The following SLC25A37 variants were observed in gnomAD, a reference collection of about 807,000 sequenced individuals.
SLC25A37 encodes the protein mitoferrin-1.
Under a neutral mutation model 31.0 loss-of-function variants are expected in SLC25A37, and 17 were observed. The ratio of observed to expected loss-of-function variants is 0.55; its 90% CI spans 0.38 to 0.82. The LOEUF (loss-of-function observed/expected upper bound fraction) is 0.82, where lower values mean the gene tolerates loss of function less well. Ranked by LOEUF, SLC25A37 falls within the 40% of genes least tolerant of loss-of-function variation. The pLI is 0.00. For missense variants in SLC25A37, 404 were observed against 465.8 expected (o/e 0.87, Z 1.22); for synonymous variants, 222 against 193.0 (o/e 1.15, Z -1.24).
At chr8:23,545,420 C>G (rs1802008918) in intron 1 of SLC25A37, among the ~76,000 whole-genome samples, 1 of 152,212 alleles carries the variant, frequency 6.6e-6, no homozygotes, top group African/African-American at 2.4e-5. Flanking sequence ...TGGGGACTTT[C>G]CCACTGGAGT....
intron 1 of SLC25A37, among the ~76,000 whole-genome samples, chr8:23,559,937 G>C (rs944096918): frequency 6.6e-6 from 1 of 152,134 alleles, no homozygotes; most frequent in Admixed American, 6.5e-5. Flanking sequence ...CTCACTCCCA[G>C]ATGTTTTTTC....
intron 2 of SLC25A37, chr8:23,566,837 A>G (rs1049773552): frequency 1.0e-6 from 1 of 985,970 alleles, no homozygotes; most frequent in Non-Finnish European, 1.2e-6. Context: ...ATGGCTGACA[A>G]AGGACTCGCG....
chr8:23,530,126 T>G (rs1801634543), intron 1 of SLC25A37, among the ~76,000 whole-genome samples: 1 of 152,174 alleles, frequency 6.6e-6, no homozygotes, highest in Non-Finnish European at 1.5e-5. Flanking sequence ...ATGCCAGTAT[T>G]GACTGTTACA....
chr8:23,552,865 A>T (rs1258676548), intron 1 of SLC25A37, among the ~76,000 whole-genome samples: 1 of 152,182 alleles, frequency 6.6e-6, no homozygotes, highest in African/African-American at 2.4e-5. Context: ...TTGGAGGGGT[A>T]GGGGAACTGA....
At chr8:23,546,006 A>G (rs777966784) in intron 1 of SLC25A37, among the ~76,000 whole-genome samples, 1 of 152,070 alleles carries the variant, frequency 6.6e-6, no homozygotes, top group African/African-American at 2.4e-5. Flanking sequence ...GTGGTAGCAG[A>G]TGCCTATAAT....
At chr8:23,552,952 G>A (rs540135123) in intron 1 of SLC25A37, among the ~76,000 whole-genome samples, 36 of 152,276 alleles carry the variant, frequency 2.4e-4, no homozygotes, top group African/African-American at 7.0e-4. Context: ...AGCGTGGAGC[G>A]GGGCGGGAGC....
rs1201095922 is a variant in SLC25A37, at chr8:23,562,022, C to G, written c.211-4086C>G. 3.3e-5 allele frequency among the ~76,000 whole-genome samples: 5 copies of G among 152,356 alleles called. No homozygotes were observed. The East Asian group carries it at 7.7e-4, about 24-fold the overall frequency. The stretch of plus-strand genomic sequence containing the variant: ...CAGTTCTCCATGCTCTGTGTTTGTT[C>G]AGACTGCCAGCCCTGCTCAATGGGG... On this transcript the variant is annotated intron_variant, in intron 1 of 3. Transcript: ENST00000519973.
chr8:23,564,555 A>G (rs1245149813), intron 1 of SLC25A37, among the ~76,000 whole-genome samples: 1 of 151,700 alleles, frequency 6.6e-6, no homozygotes, highest in Non-Finnish European at 1.5e-5. Context: ...GAAGGGAGGA[A>G]GAAGGAAGGA....
At chr8:23,532,953 G>A (rs1801690892) in intron 1 of SLC25A37, among the ~76,000 whole-genome samples, 1 of 152,202 alleles carries the variant, frequency 6.6e-6, no homozygotes, top group Non-Finnish European at 1.5e-5. Context: ...GCTTCAGAAG[G>A]GCGTGAAATC....
At position 23,529,207 on chromosome 8, in the gene SLC25A37, G is replaced by A. The variant is rs778619732; in HGVS notation, c.205G>A (p.Val69Met). The A allele has an allele frequency of 6.2e-7, 1 of 1,606,970 alleles. No individual in the cohort carries two copies. Among genetic ancestry groups the A allele is most frequent in the Admixed American group, 1.7e-5 (1 of 59,450 alleles). The change falls in exon 1 of 4, where the codon GTG becomes ATG. Residue 69 changes from valine (V) to methionine (M), a missense_variant. Physicochemically the swap from Val to Met is conservative, Grantham distance 21. Around this residue, in one of 3 missense-constraint regions of SLC25A37, gnomAD observed 154 missense variants for 153.6 expected, o/e 1.00. Transcript: ENST00000519973. This position sits in a 1 kb window ranked among gnomAD's most constrained non-coding sequence, Gnocchi z 4.1. ...CTCGGTCATGTACCCGGTGGACTCGGTGAAGGTGAGGCGCGGGGAGACTTC... is the reference window on the plus strand; with the variant it reads ...CTCGGTCATGTACCCGGTGGACTCGATGAAGGTGAGGCGCGGGGAGACTTC... ...EHSVMYPVDSVKTRMQSLSPD... is the reference protein window; with the variant it reads ...EHSVMYPVDSMKTRMQSLSPD...
intron 1 of SLC25A37, among the ~76,000 whole-genome samples, chr8:23,534,747 G>A (rs1031460830): frequency 6.6e-6 from 1 of 152,162 alleles, no homozygotes; most frequent in East Asian, 1.9e-4. Context: ...AGATGGTACC[G>A]ATCTCCCAGG....
At chr8:23,555,737 C>T (rs980153901) in intron 1 of SLC25A37, among the ~76,000 whole-genome samples, 1 of 152,136 alleles carries the variant, frequency 6.6e-6, no homozygotes, top group Non-Finnish European at 1.5e-5. Flanking sequence ...GAAGGACAAA[C>T]GTGACCCTTC....
At chr8:23,557,381 T>C (rs1015386387) in intron 1 of SLC25A37, among the ~76,000 whole-genome samples, 1 of 152,134 alleles carries the variant, frequency 6.6e-6, no homozygotes, top group South Asian at 2.1e-4. Context: ...GTGTGTGCCT[T>C]CTAAGGATGC....
intron 1 of SLC25A37, among the ~76,000 whole-genome samples, chr8:23,554,714 C>T (rs1038516761): frequency 2.0e-5 from 3 of 152,146 alleles, no homozygotes; most frequent in Non-Finnish European, 4.4e-5. Context: ...AGGCTGGGAG[C>T]TGCTGCCAGT....
intron 1 of SLC25A37, among the ~76,000 whole-genome samples, chr8:23,543,989 T>C (rs532455055): frequency 2.0e-5 from 3 of 151,868 alleles, no homozygotes; most frequent in Admixed American, 1.3e-4. Context: ...GCCTCCCGAG[T>C]AGATGGGATT....
intron 3 of SLC25A37, 104 bp downstream of exon 3, chr8:23,568,482 C>T (rs1225856976): frequency 7.7e-7 from 1 of 1,296,502 alleles, no homozygotes; most frequent in Non-Finnish European, 1.1e-6. Context: ...AGAGCGGCTC[C>T]TAGTCTCCAG....
intron 1 of SLC25A37, among the ~76,000 whole-genome samples, chr8:23,557,569 C>T (rs1332945307): frequency 6.6e-6 from 1 of 152,114 alleles, no homozygotes; most frequent in African/African-American, 2.4e-5. Flanking sequence ...TTGGTCTGAT[C>T]CTTTCTGGAC....
chr8:23,568,531 T>C, intron 3 of SLC25A37, 153 bp downstream of exon 3: 2 of 792,454 alleles, frequency 2.5e-6, no homozygotes, highest in South Asian at 1.5e-5. Context: ...TACTACGTTA[T>C]CAAAGGCCTC....
intron 1 of SLC25A37, among the ~76,000 whole-genome samples, chr8:23,545,856 G>A (rs763769321): frequency 1.3e-5 from 2 of 152,126 alleles, no homozygotes; most frequent in Non-Finnish European, 2.9e-5. Flanking sequence ...AAAAAAATAG[G>A]CCGGGCGCGG....
Sources: gnomAD v4.1 joint callset for allele counts (sites outside exome capture counted in the v4.1 genomes callset) on GRCh38, gnomAD v4.1.1 for gene constraint, gnomAD v4.1.1 regional missense constraint, Gnocchi (gnomAD v3.1) non-coding constraint, MANE v1.5 for transcripts, NCBI Gene and HGNC (gene_info 2026-07-23, HGNC 2026-07-21) for gene names.